DEFB110: variants seen among roughly 807,000 people sequenced by gnomAD.
The protein encoded by DEFB110 is beta-defensin 110.
Under a neutral mutation model 2.5 loss-of-function variants are expected in DEFB110, and 4 were observed. The observed-to-expected ratio is 1.60, with a 90% CI of 0.79 to 3.66. DEFB110 has a LOEUF of 3.66. Among genes scored for constraint, DEFB110 ranks in the 30% most tolerant of loss-of-function variants. The pLI is 0.01. For synonymous variants in DEFB110, 29 were observed against 21.8 expected (o/e 1.33, Z -0.92); for missense variants, 94 against 75.4 (o/e 1.25, Z -0.91).
At chr6:50,010,352 A>C (rs6905702) in intron 1 of DEFB110, among the ~76,000 whole-genome samples, 46,104 of 151,638 alleles carry the variant, frequency 0.3, 10,213 homozygotes, top group African/African-American at 0.63. Context: ...TTCATTTCAA[A>C]TCAAAATGGT....
downstream of DEFB110, among the ~76,000 whole-genome samples, chr6:50,017,427 C>T (rs918969884): frequency 5.3e-5 from 8 of 151,628 alleles, no homozygotes; most frequent in South Asian, 2.1e-4. Flanking sequence ...TGCCCCCTCC[C>T]GCAAAGAGGA....
Position 50,021,949 on chromosome 6 carries a change from T to C in DEFB110, c.-14A>G. The stretch of plus-strand genomic sequence containing the variant: ...TTGAATCTTCATGGTAGAGAGTTTC[T>C]TAAAAAAAGGGGGCAACAGACCTCC... On this transcript the variant is annotated 5_prime_UTR_variant, in exon 1 of 2. Coordinates refer to ENST00000371148, the MANE Select transcript of DEFB110 (RefSeq NM_001037497.2). The C allele has an allele frequency of 1.3e-6, 2 of 1,535,822 alleles. No homozygotes were observed. Among genetic ancestry groups the C allele is most frequent in the South Asian group, 1.3e-5 (1 of 77,454 alleles).
At chr6:50,011,756 A>G (rs998999307) in intron 1 of DEFB110, among the ~76,000 whole-genome samples, 5 of 152,060 alleles carry the variant, frequency 3.3e-5, no homozygotes, top group South Asian at 4.1e-4. Flanking sequence ...AATGTCATCC[A>G]TAAGTGCAGA....
chr6:50,016,843 G>A (rs1029140403), downstream of DEFB110, among the ~76,000 whole-genome samples: 5 of 151,828 alleles, frequency 3.3e-5, no homozygotes, highest in African/African-American at 1.2e-4. Flanking sequence ...TTGAACACAA[G>A]TAAAGGCCAC....
At chr6:50,017,450 T>C (rs1476022793), downstream of DEFB110, among the ~76,000 whole-genome samples, 2 of 151,868 alleles carry the variant, frequency 1.3e-5, no homozygotes. Flanking sequence ...TTTGGCAATA[T>C]AGGTAGACAT....
downstream of DEFB110, among the ~76,000 whole-genome samples, chr6:50,017,635 C>G (rs541017203): frequency 6.6e-6 from 1 of 151,876 alleles, no homozygotes; most frequent in Middle Eastern, 3.4e-3. Context: ...TGTAAAGATA[C>G]TTTTGAAGAT....
intron 1 of DEFB110, among the ~76,000 whole-genome samples, chr6:50,011,638 C>T (rs971594538): frequency 5.3e-5 from 8 of 152,018 alleles, no homozygotes; most frequent in South Asian, 2.1e-4. Flanking sequence ...AAATGGTATG[C>T]GGAGTTTTTC....
At chr6:50,015,559 A>T (rs1774302224), downstream of DEFB110, among the ~76,000 whole-genome samples, 1 of 151,822 alleles carries the variant, frequency 6.6e-6, no homozygotes, top group South Asian at 2.1e-4. Flanking sequence ...GGGCTCTATG[A>T]CAAATCATGT....
chr6:50,015,128 C>T (rs1370107778), downstream of DEFB110, among the ~76,000 whole-genome samples: 2 of 151,758 alleles, frequency 1.3e-5, no homozygotes, highest in Non-Finnish European at 1.5e-5. Flanking sequence ...TTATTGACCC[C>T]TCTGTCTGCC....
downstream of DEFB110, among the ~76,000 whole-genome samples, chr6:50,017,682 A>G (rs539105738): frequency 6.6e-6 from 1 of 151,050 alleles, no homozygotes; most frequent in Non-Finnish European, 1.5e-5. Context: ...ACAATCAAAG[A>G]CTATGTAAAT....
rs34202705 is a variant in DEFB110, at chr6:50,021,950, T to TA, written c.-16dup. 6 of 1,535,904 alleles carry TA rather than the reference T, an allele frequency of 3.9e-6. No homozygotes were observed. Among genetic ancestry groups the TA allele is most frequent in the Admixed American group, 4.9e-5 (2 of 41,012 alleles). ...TGAATCTTCATGGTAGAGAGTTTCT[T>TA]AAAAAAAGGGGGCAACAGACCTCCT... On this transcript the variant is annotated 5_prime_UTR_variant, in exon 1 of 2. Coordinates refer to ENST00000371148, the MANE Select transcript of DEFB110 (RefSeq NM_001037497.2).
In DEFB110 at chr6:50,019,043, A is replaced by T; in HGVS notation, c.138T>A (p.Cys46Ter). ...AAGCAATCCTAATTTCATTTTCATG[A>T]CACTGATTTTTACATTGACCATTAC... ...RIGNGQCKNQ[C>*]HENEIRIAYC... Residue 46 changes from cysteine to a stop codon, truncating the protein, a stop_gained, in exon 2 of 2, where the codon TGT becomes TGA. Coordinates refer to ENST00000371148, the MANE Select transcript of DEFB110 (RefSeq NM_001037497.2). LOFTEE classifies it high-confidence loss of function. 1 of 1,613,184 alleles carries T rather than the reference A, an allele frequency of 6.2e-7. No homozygotes were observed. The highest frequency in any genetic ancestry group is 8.5e-7 in the Non-Finnish European group (1 of 1,179,424).
Position 50,021,969 on chromosome 6 carries a change from A to G in DEFB110, c.-34T>C, listed in dbSNP as rs746336764. The G allele has an allele frequency of 6.7e-7, 1 of 1,503,600 alleles. No individual in the cohort carries two copies. The highest frequency in any genetic ancestry group is 1.8e-4 in the Middle Eastern group (1 of 5,688). The allele number at this position is 1,503,600 out of a possible 1,614,324, so 93.1% of individuals were successfully genotyped here. ...GTTTCTTAAAAAAAGGGGGCAACAGACCTCCTTTTTCAAGTCAGTTGTTTT... is the reference window on the plus strand; with the variant it reads ...GTTTCTTAAAAAAAGGGGGCAACAGGCCTCCTTTTTCAAGTCAGTTGTTTT... On this transcript the variant is annotated 5_prime_UTR_variant, in exon 1 of 2. Coordinates refer to ENST00000371148, the MANE Select transcript of DEFB110 (RefSeq NM_001037497.2).
chr6:50,014,022 A>C (rs1422151280), downstream of DEFB110, among the ~76,000 whole-genome samples: 3 of 151,850 alleles, frequency 2.0e-5, no homozygotes, highest in Non-Finnish European at 4.4e-5. Context: ...ACTTGATAGG[A>C]GAAGTCATTG....
chr6:50,010,099 C>G (rs1173724953), intron 1 of DEFB110, among the ~76,000 whole-genome samples: 1 of 151,912 alleles, frequency 6.6e-6, no homozygotes. Context: ...AATGTACTTA[C>G]CTATCTTTGG....
At chr6:50,019,933 T>C (rs1176566162) in intron 1 of DEFB110, among the ~76,000 whole-genome samples, 2 of 152,132 alleles carry the variant, frequency 1.3e-5, no homozygotes, top group Non-Finnish European at 2.9e-5. Flanking sequence ...ACACATTGTC[T>C]ATAACTGCTT....
rs1774423812 is a variant in DEFB110, at chr6:50,021,904, T to G, written c.32A>C (p.His11Pro). The change falls in exon 1 of 2, where the codon CAC becomes CCC. Residue 11 changes from histidine (H) to proline (P), a missense_variant. By Grantham distance (77) the His-to-Pro change is moderately conservative. Transcript: ENST00000371148. ...ACCTGGTAAAATTGTGACCCAAAAGTGCAGAATAAAGAAAAAAAGTTGAAT... is the reference window on the plus strand; with the variant it reads ...ACCTGGTAAAATTGTGACCCAAAAGGGCAGAATAAAGAAAAAAAGTTGAAT... MKIQLFFFIL[H>P]FWVTILPAKK... is the part of the protein sequence containing the mutation. The G allele has an allele frequency of 5.8e-6, 9 of 1,557,972 alleles. No individual in the cohort carries two copies. In the South Asian group the frequency reaches 6.2e-5, roughly 11 times the overall value.
intron 1 of DEFB110, among the ~76,000 whole-genome samples, chr6:50,019,928 T>C (rs1464245916): frequency 1.3e-5 from 2 of 152,052 alleles, no homozygotes; most frequent in Admixed American, 6.6e-5. Context: ...TGCTAACACA[T>C]TGTCTATAAC....
chr6:50,009,350 G>C (rs1561989431), intron 1 of DEFB110: 3 of 1,448,588 alleles, frequency 2.1e-6, no homozygotes, highest in East Asian at 4.7e-5. Context: ...GACAAAAACT[G>C]TTCCAGTTAT....
Sources: allele counts gnomAD v4.1 joint callset (sites outside exome capture counted in the v4.1 genomes callset), GRCh38; gene constraint gnomAD v4.1.1; transcripts MANE v1.5; gene names NCBI Gene and HGNC (gene_info 2026-07-23, HGNC 2026-07-21).